Variants in PHC2 observed in about 807,000 individuals in gnomAD.
The protein encoded by PHC2 is polyhomeotic homolog 2.
PHC2 carries 29 observed loss-of-function variants against 87.4 expected under a neutral mutation model. That is an observed-to-expected ratio of 0.33 (90% confidence interval 0.25 to 0.45). The LOEUF is 0.45. Among genes scored for constraint, PHC2 ranks in the 20% least tolerant of loss-of-function variants. PHC2 has a pLI of 1.00. For synonymous variants in PHC2, 438 were observed against 461.7 expected, an observed-to-expected ratio of 0.95 and a Z score of 0.66; for missense variants, 857 against 1,136.7, an observed-to-expected ratio of 0.75 and a Z score of 3.54.
intron 1 of PHC2, among the ~76,000 whole-genome samples, chr1:33,398,349 G>A (rs1649379014): frequency 6.6e-6 from 1 of 152,202 alleles, no homozygotes; most frequent in Admixed American, 6.5e-5. Flanking sequence ...GCTTCCCCTA[G>A]ATTTGGAATA....
At chr1:33,384,715 T>C (rs1185149119) in intron 1 of PHC2, among the ~76,000 whole-genome samples, 1 of 152,206 alleles carries the variant, frequency 6.6e-6, no homozygotes, top group Non-Finnish European at 1.5e-5. Flanking sequence ...CTGTTCCTCT[T>C]AGGGACTTCC....
chr1:33,374,887 G>T (rs942140759), intron 2 of PHC2, among the ~76,000 whole-genome samples: 13 of 152,218 alleles, frequency 8.5e-5, no homozygotes, highest in Non-Finnish European at 1.9e-4. Flanking sequence ...GCAGATGGTA[G>T]TGCATGGCCC....
intron 12 of PHC2, among the ~76,000 whole-genome samples, chr1:33,330,654 C>T (rs975014689): frequency 6.6e-6 from 1 of 152,156 alleles, no homozygotes; most frequent in Non-Finnish European, 1.5e-5. Context: ...ATGCAGAACA[C>T]CTCTGTCTGG....
chr1:33,333,366 A>G (rs943125356), intron 10 of PHC2: 2 of 152,356 alleles, frequency 1.3e-5, no homozygotes, highest in East Asian at 1.9e-4. Flanking sequence ...GTCTTCTCCA[A>G]CAGCCAGATA....
chr1:33,403,561 A>G (rs1381251827), intron 1 of PHC2, among the ~76,000 whole-genome samples: 2 of 152,154 alleles, frequency 1.3e-5, no homozygotes, highest in Non-Finnish European at 2.9e-5. Context: ...TGTTCACTTT[A>G]TTTTTCAAAT....
intron 1 of PHC2, among the ~76,000 whole-genome samples, chr1:33,425,885 A>G (rs1325654834): frequency 6.6e-6 from 1 of 152,242 alleles, no homozygotes; most frequent in Admixed American, 6.5e-5. Context: ...TTGGGCATAG[A>G]AAATGAGAAC....
chr1:33,374,608 C>T (rs141789435), intron 2 of PHC2, among the ~76,000 whole-genome samples: 5 of 152,228 alleles, frequency 3.3e-5, no homozygotes, highest in South Asian at 2.1e-4. Context: ...CTAGTATATC[C>T]AAACTGTAAT....
chr1:33,362,565 A>G (rs1409443052), intron 7 of PHC2, among the ~76,000 whole-genome samples: 1 of 152,218 alleles, frequency 6.6e-6, no homozygotes, highest in African/African-American at 2.4e-5. Flanking sequence ...ATGAACTGAC[A>G]AACTCCTCTG....
chr1:33,411,547 G>A (rs1019876956), intron 1 of PHC2, among the ~76,000 whole-genome samples: 1 of 151,742 alleles, frequency 6.6e-6, no homozygotes. Flanking sequence ...GTGATCATAT[G>A]ATCATCTTTT....
intron 1 of PHC2, among the ~76,000 whole-genome samples, chr1:33,412,250 A>G (rs1300554177): frequency 6.6e-6 from 1 of 152,248 alleles, no homozygotes; most frequent in African/African-American, 2.4e-5. Context: ...ATACATTAAC[A>G]CAGACAGGTT....
chr1:33,343,754 A>C (rs1001490062), intron 9 of PHC2, among the ~76,000 whole-genome samples: 10 of 152,216 alleles, frequency 6.6e-5, no homozygotes. Flanking sequence ...GAGCAGGGCT[A>C]ATCTTTCCGT....
chr1:33,395,635 G>A (rs1649263182), intron 1 of PHC2, among the ~76,000 whole-genome samples: 1 of 152,122 alleles, frequency 6.6e-6, no homozygotes, highest in African/African-American at 2.4e-5. Flanking sequence ...ATGGTAAAAT[G>A]TTAATTGTAG....
intron 7 of PHC2, chr1:33,358,946 C>G (rs1206664326): frequency 1.3e-5 from 2 of 152,148 alleles, no homozygotes; most frequent in African/African-American, 4.8e-5. Flanking sequence ...GCCCAGAAGT[C>G]AAGTGTGAGC....
At chr1:33,343,173 C>T (rs541882779) in intron 9 of PHC2, among the ~76,000 whole-genome samples, 1 of 152,202 alleles carries the variant, frequency 6.6e-6, no homozygotes, top group East Asian at 1.9e-4. Context: ...ATTAGAAAGA[C>T]TCTAGGCGGC....
chr1:33,415,453 C>T (rs922366972), intron 1 of PHC2, among the ~76,000 whole-genome samples: 5 of 152,202 alleles, frequency 3.3e-5, no homozygotes, highest in African/African-American at 1.2e-4. Context: ...CCAACGGCTG[C>T]TCTGGACCCA....
In PHC2 at chr1:33,349,039, C is replaced by G. The variant is rs1646901682; in HGVS notation, c.1558+5362G>C. The stretch of plus-strand genomic sequence containing the variant: ...TCCCGATTTTAATGTAAAGAAGCAA[C>G]AAATATAGTCTACCTTCATTTGGCA... On this transcript the variant is annotated intron_variant, in intron 9 of 14. Coordinates refer to ENST00000683057, the MANE Select transcript of PHC2 (RefSeq NM_001385109.1). This position sits in a 1 kb window ranked among gnomAD's most constrained non-coding sequence, Gnocchi z 4.2. 1.0e-6 allele frequency: 1 copy of G among 978,728 alleles called. No individual in the cohort carries two copies. Among genetic ancestry groups the G allele is most frequent in the African/African-American group, 1.8e-5 (1 of 57,068 alleles). 60.6% of individuals were successfully genotyped at this position (978,728 alleles called of 1,614,324 possible). A position where few individuals can be genotyped will look rare whatever the true frequency, so the allele number is the denominator to read the frequency against.
chr1:33,326,134 G>T (rs1280619685), intron 14 of PHC2: 1 of 290,026 alleles, frequency 3.4e-6, no homozygotes, highest in East Asian at 9.0e-5. Flanking sequence ...GGAAGGTGTT[G>T]CTTGGCTTCT....
intron 7 of PHC2, among the ~76,000 whole-genome samples, chr1:33,357,776 T>C (rs1042256707): frequency 3.9e-5 from 6 of 152,224 alleles, no homozygotes; most frequent in Non-Finnish European, 7.3e-5. Context: ...CACAGGACTT[T>C]GTTAGGCCCC....
chr1:33,354,444 C>G lies in PHC2; in HGVS notation c.1515G>C (p.Leu505=), dbSNP rs762929505. The change falls in exon 9 of 15, where the codon CTG becomes CTC. Residue 505 remains leucine, a synonymous_variant. Transcript: ENST00000683057. ...QAIVTAMPGG[L]PVPTSPNIQP... ...GGATGTTAGGGCTCGTGGGTACAGG[C>G]AGGCCACCAGGCATGGCAGTGACAA... The G allele has an allele frequency of 1.9e-6, 3 of 1,614,046 alleles. No homozygotes were observed. Among genetic ancestry groups the G allele is most frequent in the Middle Eastern group, 1.7e-4 (1 of 5,984 alleles).
Sources: gnomAD v4.1 joint callset for allele counts (sites outside exome capture counted in the v4.1 genomes callset) on GRCh38, gnomAD v4.1.1 for gene constraint, Gnocchi (gnomAD v3.1) non-coding constraint, MANE v1.5 for transcripts, NCBI Gene and HGNC (gene_info 2026-07-23, HGNC 2026-07-21) for gene names.